Variants in NCKAP5L observed in about 807,000 individuals in gnomAD.
The protein encoded by NCKAP5L is NCK associated protein 5 like.
In NCKAP5L, 54 loss-of-function variants were observed where a neutral mutation model predicts 103.2. The ratio of observed to expected loss-of-function variants is 0.52; its 90% CI spans 0.42 to 0.66. The LOEUF is 0.66. NCKAP5L is among the 30% of genes least tolerant of loss of function. The probability of loss-of-function intolerance (pLI) is 0.00; values close to 1 mark genes in which losing one functional copy is unlikely to be tolerated. For missense variants in NCKAP5L, 1,733 were observed against 1,750.6 expected, an observed-to-expected ratio of 0.99 and a Z score of 0.18; for synonymous variants, 762 against 748.6, an observed-to-expected ratio of 1.02 and a Z score of -0.29.
At position 49,803,820 on chromosome 12, in the gene NCKAP5L, C is replaced by T. The variant is rs1230181775; in HGVS notation, c.123+102G>A. On this transcript the variant is annotated intron_variant, in intron 3 of 12. Transcript: ENST00000335999. ...TGGCAAAGCAGGCCGAGAGGAAGGC[C>T]CATGGCACCCAAAAACCTGCAGGAA... is the stretch of plus-strand genomic sequence containing the variant. 4 of 1,455,216 alleles carry T rather than the reference C, an allele frequency of 2.7e-6. No homozygotes were observed. The East Asian group carries it at 9.3e-5, about 34-fold the overall frequency. The allele number at this position is 1,455,216 out of a possible 1,614,324, so 90.1% of individuals were successfully genotyped here.
rs181866086 is a variant in NCKAP5L, at chr12:49,800,149, C to T, written c.352-1686G>A. 2.6e-5 allele frequency among the ~76,000 whole-genome samples: 4 copies of T among 152,346 alleles called. No individual in the cohort carries two copies. In the East Asian group the frequency reaches 5.8e-4, roughly 22 times the overall value. On this transcript the variant is annotated intron_variant, in intron 6 of 12. Coordinates refer to ENST00000335999, the MANE Select transcript of NCKAP5L (RefSeq NM_001037806.4). ...GGCAGAGGTTGCGGTGAGCCGAGAT[C>T]GCGCCATTGCACTCCAGCCTGGGCA...
intron 1 of NCKAP5L, among the ~76,000 whole-genome samples, chr12:49,818,130 T>C (rs1946320046): frequency 6.7e-6 from 1 of 150,074 alleles, no homozygotes; most frequent in Non-Finnish European, 1.5e-5. Context: ...AGGCTGTGTC[T>C]TGGAAAAAAA....
At chr12:49,808,388 C>T (rs2137021757) in intron 1 of NCKAP5L, among the ~76,000 whole-genome samples, 1 of 152,330 alleles carries the variant, frequency 6.6e-6, no homozygotes, top group South Asian at 2.1e-4. Context: ...GCCTCCTCTG[C>T]ATCTGCAGGG....
At chr12:49,821,395 AG>A (rs1482010514) in intron 1 of NCKAP5L, among the ~76,000 whole-genome samples, 2 of 152,204 alleles carry the variant, frequency 1.3e-5, no homozygotes, top group African/African-American at 4.8e-5. Context: ...CTGGCAGAGA[AG>A]GGGGTCTCCT....
At chr12:49,826,525 C>T (rs1393822703) in intron 1 of NCKAP5L, among the ~76,000 whole-genome samples, 1 of 152,194 alleles carries the variant, frequency 6.6e-6, no homozygotes, top group Non-Finnish European at 1.5e-5. Flanking sequence ...TTAAAGCACA[C>T]CCAACACTTT....
chr12:49,796,334 C>T lies in NCKAP5L; in HGVS notation c.1526G>A (p.Gly509Glu). The T allele has an allele frequency of 6.4e-7, 1 of 1,551,664 alleles. No individual in the cohort carries two copies. Among genetic ancestry groups the T allele is most frequent in the Non-Finnish European group, 8.7e-7 (1 of 1,149,596 alleles). Residue 509 changes from glycine (G) to glutamate (E), a missense_variant, in exon 8 of 13, where the codon GGA (glycine) becomes GAA (glutamate). Physicochemically the swap from Gly to Glu is moderately conservative, Grantham distance 98. Coordinates refer to ENST00000335999, the MANE Select transcript of NCKAP5L (RefSeq NM_001037806.4). ...PLLARRGLGG[G>E]ELSPEGAQGL... ...TTGCGCCCCCTCTGGGGACAGCTCT[C>T]CTCCACCCAGACCCCTTCGGGCCAA...
At chr12:49,798,236 G>A in intron 7 of NCKAP5L, 114 bp downstream of exon 7, 3 of 972,510 alleles carry the variant, frequency 3.1e-6, no homozygotes, top group Non-Finnish European at 4.8e-6. Context: ...TTTGGCATTC[G>A]GCTGCTCACA....
At position 49,795,334 on chromosome 12, in the gene NCKAP5L, A is replaced by G. The variant is rs1175931888; in HGVS notation, c.2526T>C (p.Pro842=). ...APLVTKESPK[P]DKGKGPPWAD... ...CCCAGGGAGGGCCCTTCCCTTTGTC[A>G]GGCTTGGGGGACTCCTTGGTGACTA... The change falls in exon 8 of 13, where the codon CCT becomes CCC. Residue 842 remains proline (P), a synonymous_variant. Coordinates refer to ENST00000335999, the MANE Select transcript of NCKAP5L (RefSeq NM_001037806.4). 1.3e-6 allele frequency: 2 copies of G among 1,530,562 alleles called. No homozygotes were observed. The highest frequency in any genetic ancestry group is 2.2e-5 in the Admixed American group (1 of 45,342). The allele number at this position is 1,530,562 out of a possible 1,614,324, so 94.8% of individuals were successfully genotyped here.
intron 2 of NCKAP5L, chr12:49,805,385 G>T (rs186425352): frequency 6.6e-6 from 1 of 152,342 alleles, no homozygotes; most frequent in East Asian, 1.9e-4. Context: ...CCAAACCATT[G>T]CCATTGTTGC....
intron 1 of NCKAP5L, among the ~76,000 whole-genome samples, chr12:49,822,877 T>C (rs1946376321): frequency 6.6e-6 from 1 of 152,040 alleles, no homozygotes; most frequent in Non-Finnish European, 1.5e-5. Flanking sequence ...TAAAACCTGA[T>C]GAAAAAATAA....
At chr12:49,801,170 A>G in intron 6 of NCKAP5L, among the ~76,000 whole-genome samples, 1 of 152,132 alleles carries the variant, frequency 6.6e-6, no homozygotes, top group Non-Finnish European at 1.5e-5. Context: ...CCCCTCCCCC[A>G]TACACACACA....
chr12:49,824,517 G>T (rs575467227), intron 1 of NCKAP5L, among the ~76,000 whole-genome samples: 1 of 152,358 alleles, frequency 6.6e-6, no homozygotes, highest in Admixed American at 6.5e-5. Context: ...GTAGAAACCT[G>T]CAGAGGAGGT....
chr12:49,804,839 G>C (rs2137016237), intron 2 of NCKAP5L: 1 of 152,300 alleles, frequency 6.6e-6, no homozygotes, highest in East Asian at 1.9e-4. Flanking sequence ...TCAGCACATG[G>C]GGAGAATACA....
rs371787612 is a variant in NCKAP5L at position 49,804,313 on chromosome 12, C to G, written c.-36-233G>C. The stretch of plus-strand genomic sequence containing the variant: ...CATACTCACACAAGAAACCTGATTT[C>G]TCTACTGGGACTGGCCTCAAGCTGG... On this transcript the variant is annotated intron_variant, in intron 2 of 12. Transcript: ENST00000335999. The G allele has an allele frequency of 2.1e-5, 6 of 281,562 alleles. No homozygotes were observed. The East Asian group carries it at 2.2e-4, about 10-fold the overall frequency. The allele number at this position is 281,562 out of a possible 1,614,324, so 17.4% of individuals were successfully genotyped here.
At position 49,809,644 on chromosome 12, in the gene NCKAP5L, A is replaced by G. The variant is rs1392835455; in HGVS notation, c.-98-3603T>C. On this transcript the variant is annotated intron_variant, in intron 1 of 12. Coordinates refer to ENST00000335999, the MANE Select transcript of NCKAP5L (RefSeq NM_001037806.4). ...CAGTCACACCCAAGAATCCACTTGTAAACAGCAACTTCTGTCCCCACAGCA... is the reference window on the plus strand; with the variant it reads ...CAGTCACACCCAAGAATCCACTTGTGAACAGCAACTTCTGTCCCCACAGCA... Among the ~76,000 whole-genome samples, 6 of 152,168 alleles carry G rather than the reference A, an allele frequency of 3.9e-5. No individual in the cohort carries two copies. In the South Asian group the frequency reaches 1.2e-3, roughly 32 times the overall value.
chr12:49,812,625 C>T (rs1946253592), intron 1 of NCKAP5L, among the ~76,000 whole-genome samples: 1 of 152,188 alleles, frequency 6.6e-6, no homozygotes, highest in Non-Finnish European at 1.5e-5. Flanking sequence ...CTCAGGTGAT[C>T]TTCCTTGGCC....
chr12:49,812,971 A>G (rs1946257476), intron 1 of NCKAP5L, among the ~76,000 whole-genome samples: 1 of 152,172 alleles, frequency 6.6e-6, no homozygotes, highest in African/African-American at 2.4e-5. Context: ...GGCTTCTTAT[A>G]ATATCTAATA....
chr12:49,793,757 C>A lies in NCKAP5L; in HGVS notation c.3235G>T (p.Gly1079Cys). ...ACCTTTCCAGGAGGTTTTCCGCAGC[C>A]CTGAAGAGGGCCCACCAGGCCATTC... is the stretch of plus-strand genomic sequence containing the variant. Reference protein sequence around the residue: ...PRNGLVGPLQGCGKPPGKPSS... With the variant: ...PRNGLVGPLQCCGKPPGKPSS... Residue 1079 changes from glycine to cysteine, a missense_variant, in exon 9 of 13, where the codon GGC becomes TGC. By Grantham distance (159) the Gly-to-Cys change is radical. Transcript: ENST00000335999. 1 of 1,589,756 alleles carries A rather than the reference C, an allele frequency of 6.3e-7. No individual in the cohort carries two copies. The highest frequency in any genetic ancestry group is 8.6e-7 in the Non-Finnish European group (1 of 1,168,566).
At chr12:49,798,561 C>T (rs868411317) in intron 6 of NCKAP5L, 98 bp from the exon 7 acceptor site, 70 of 999,416 alleles carry the variant, frequency 7.0e-5, no homozygotes, top group African/African-American at 2.0e-4. Flanking sequence ...CGCTCCTTCA[C>T]GGAGGACTCC....
Sources: allele counts gnomAD v4.1 joint callset (sites outside exome capture counted in the v4.1 genomes callset), GRCh38; gene constraint gnomAD v4.1.1; transcripts MANE v1.5; gene names NCBI Gene and HGNC (gene_info 2026-07-23, HGNC 2026-07-21).